The following NRG3 variants were observed in gnomAD, a reference collection of about 807,000 sequenced individuals.
The protein encoded by NRG3 is pro-neuregulin-3, membrane-bound isoform.
A neutral mutation model predicts 66.9 loss-of-function variants in NRG3; 31 were observed. The observed-to-expected ratio is 0.46, with a 90% CI of 0.35 to 0.63. The LOEUF (loss-of-function observed/expected upper bound fraction) is 0.63, where lower values mean the gene tolerates loss of function less well. Among genes scored for constraint, NRG3 ranks in the 20% least tolerant of loss-of-function variants. NRG3 has a pLI of 0.00. For missense variants in NRG3, 910 were observed against 878.9 expected, an observed-to-expected ratio of 1.04 and a Z score of -0.45; for synonymous variants, 393 against 359.4, an observed-to-expected ratio of 1.09 and a Z score of -1.06.
intron 2 of NRG3, among the ~76,000 whole-genome samples, chr10:82,513,476 A>G (rs191127957): frequency 1.3e-5 from 2 of 152,338 alleles, no homozygotes; most frequent in Admixed American, 1.3e-4. Context: ...ATACAATAAT[A>G]GGATTCCTGG....
intron 1 of NRG3, among the ~76,000 whole-genome samples, chr10:82,191,789 G>A (rs928946141): frequency 6.6e-6 from 1 of 152,138 alleles, no homozygotes; most frequent in African/African-American, 2.4e-5. Flanking sequence ...CTTGTCCCTT[G>A]TTGTGGCCAT....
intron 2 of NRG3, among the ~76,000 whole-genome samples, chr10:82,703,122 A>T (rs1217705232): frequency 6.6e-6 from 1 of 151,888 alleles, no homozygotes; most frequent in Non-Finnish European, 1.5e-5. Context: ...GTGGTAAGAC[A>T]GTGCTGTATA....
intron 6 of NRG3, among the ~76,000 whole-genome samples, chr10:82,965,011 T>C (rs1195820904): frequency 1.3e-5 from 2 of 152,194 alleles, no homozygotes; most frequent in Non-Finnish European, 2.9e-5. Context: ...CTTCATTACC[T>C]GGGAGCATTT....
intron 5 of NRG3, among the ~76,000 whole-genome samples, chr10:82,952,283 A>G (rs537795681): frequency 6.6e-6 from 1 of 152,066 alleles, no homozygotes; most frequent in Non-Finnish European, 1.5e-5. Context: ...AAATACAAAA[A>G]TTAGTTGGGC....
chr10:82,407,397 G>A (rs2087605794), intron 2 of NRG3, among the ~76,000 whole-genome samples: 1 of 152,138 alleles, frequency 6.6e-6, no homozygotes, highest in Non-Finnish European at 1.5e-5. Context: ...GTGGTGATAA[G>A]ATTGGGTTTT....
At chr10:82,262,552 T>C (rs2078085008) in intron 1 of NRG3, among the ~76,000 whole-genome samples, 1 of 152,232 alleles carries the variant, frequency 6.6e-6, no homozygotes, top group Non-Finnish European at 1.5e-5. Flanking sequence ...TACCAATGTC[T>C]AGCCTTAGTA....
chr10:82,723,665 A>T (rs1482810258), intron 2 of NRG3, among the ~76,000 whole-genome samples: 1 of 152,214 alleles, frequency 6.6e-6, no homozygotes. Context: ...TTTAAAAATA[A>T]GATTTAATGA....
rs372472574 is a variant in NRG3 at position 82,238,919 on chromosome 10, T to TATATATATATATATATATGTATATAC, written c.824-119811_824-119810insTATATATATGTATATACATATATATA. The stretch of plus-strand genomic sequence containing the variant: ...TTATTTTTAGGTTATACCGTATATA[T>TATATATATATATATATATGTATATAC]ATATATATAATATTTATATAATATA... On this transcript the variant is annotated intron_variant, in intron 1 of 8. Transcript: ENST00000372141. 4.2e-5 allele frequency among the ~76,000 whole-genome samples: 6 copies of TATATATATATATATATATGTATATAC among 142,142 alleles called. 1 individual carries two copies. The highest frequency in any genetic ancestry group is 1.6e-4 in the African/African-American group (6 of 37,402). 93.3% of individuals were successfully genotyped at this position (142,142 alleles called of 152,430 possible).
At chr10:82,772,584 T>TTC (rs1043387829) in intron 3 of NRG3, among the ~76,000 whole-genome samples, 3 of 152,204 alleles carry the variant, frequency 2.0e-5, no homozygotes, top group Admixed American at 2.0e-4. Flanking sequence ...GCAATATGTT[T>TTC]TCTGTCTGTG....
intron 1 of NRG3, among the ~76,000 whole-genome samples, chr10:82,292,111 C>A (rs934239313): frequency 1.3e-5 from 2 of 152,084 alleles, no homozygotes; most frequent in Non-Finnish European, 2.9e-5. Context: ...ATAACACAGT[C>A]TCAAAACTCA....
At chr10:82,827,246 A>G in intron 3 of NRG3, 1 of 354,776 alleles carries the variant, frequency 2.8e-6, no homozygotes, top group Admixed American at 4.2e-5. Context: ...TGTAACGTAG[A>G]TTAAAAATCT....
intron 1 of NRG3, among the ~76,000 whole-genome samples, chr10:81,990,459 CTG>C (rs999593181): frequency 1.3e-5 from 2 of 152,262 alleles, no homozygotes; most frequent in African/African-American, 2.4e-5. Flanking sequence ...CTTGTAGAAA[CTG>C]TAACTATTTT....
chr10:82,301,467 CTT>C (rs1451200919), intron 1 of NRG3, among the ~76,000 whole-genome samples: 4 of 152,032 alleles, frequency 2.6e-5, no homozygotes, highest in Non-Finnish European at 5.9e-5. Flanking sequence ...GAATCCTACT[CTT>C]TTAAATGAAA....
chr10:82,215,963 C>CTTTTTTTT (rs71894841), intron 1 of NRG3, among the ~76,000 whole-genome samples: 27 of 89,704 alleles, frequency 3.0e-4, no homozygotes, highest in African/African-American at 5.6e-4. Flanking sequence ...TTATGTTTTC[C>CTTTTTTTT]TTTTTTTTTT....
intron 2 of NRG3, among the ~76,000 whole-genome samples, chr10:82,534,692 A>G (rs1238649812): frequency 1.3e-5 from 2 of 152,226 alleles, no homozygotes; most frequent in Non-Finnish European, 2.9e-5. Flanking sequence ...AAACTACAGT[A>G]ATCAAAAGAG....
intron 4 of NRG3, among the ~76,000 whole-genome samples, chr10:82,894,911 A>G (rs1156314438): frequency 6.6e-6 from 1 of 151,886 alleles, no homozygotes; most frequent in Non-Finnish European, 1.5e-5. Flanking sequence ...CCACTGCCCG[A>G]CAGGCCCTGG....
intron 3 of NRG3, among the ~76,000 whole-genome samples, chr10:82,820,211 C>A (rs2061891002): frequency 6.6e-6 from 1 of 152,170 alleles, no homozygotes; most frequent in African/African-American, 2.4e-5. Context: ...ATCAGTTATA[C>A]TTTGCACTGA....
At chr10:82,032,913 G>A (rs2062633873) in intron 1 of NRG3, among the ~76,000 whole-genome samples, 1 of 152,040 alleles carries the variant, frequency 6.6e-6, no homozygotes, top group Non-Finnish European at 1.5e-5. Flanking sequence ...TGTAACTAAA[G>A]TAAATTCCAA....
At chr10:82,019,676 G>T (rs188649660) in intron 1 of NRG3, among the ~76,000 whole-genome samples, 203 of 152,252 alleles carry the variant, frequency 1.3e-3, no homozygotes, top group Non-Finnish European at 1.7e-3. Flanking sequence ...GAGGGTGTAT[G>T]TGTCGAGGAA....
Sources: gnomAD v4.1 joint callset for allele counts (sites outside exome capture counted in the v4.1 genomes callset) on GRCh38, gnomAD v4.1.1 for gene constraint, MANE v1.5 for transcripts, NCBI Gene and HGNC (gene_info 2026-07-23, HGNC 2026-07-21) for gene names.